The following SLMAP variants were observed in gnomAD, a reference collection of about 807,000 sequenced individuals.
The protein encoded by SLMAP is sarcolemma associated protein, also known as sarcolemmal membrane-associated protein.
Under a neutral mutation model 128.8 loss-of-function variants are expected in SLMAP, and 44 were observed. The ratio of observed to expected loss-of-function variants is 0.34; its 90% CI spans 0.27 to 0.44. The LOEUF is 0.44. Among genes scored for constraint, SLMAP ranks in the 20% least tolerant of loss-of-function variants. SLMAP has a pLI of 1.00. For synonymous variants in SLMAP, 327 were observed against 348.8 expected (o/e 0.94, Z 0.70); for missense variants, 787 against 985.3 (o/e 0.80, Z 2.69).
At position 57,857,837 on chromosome 3, in the gene SLMAP, G is replaced by C; in HGVS notation, c.615+9G>C. 6.4e-7 allele frequency: 1 copy of C among 1,561,044 alleles called. No individual in the cohort carries two copies. The highest frequency in any genetic ancestry group is 2.2e-5 in the East Asian group (1 of 44,572). ...CAGATACCAGTTGGCAGGTATTCCA[G>C]TTGTTTTATATTTAAGAAACATTTA... On this transcript the variant is annotated intron_variant, in intron 7 of 24. Transcript: ENST00000671191.
chr3:57,869,343 A>G (rs1194169629), intron 13 of SLMAP, among the ~76,000 whole-genome samples: 1 of 151,036 alleles, frequency 6.6e-6, no homozygotes, highest in Admixed American at 6.6e-5. Context: ...TTCCCAGCCT[A>G]CTGACTCAAA....
intron 13 of SLMAP, among the ~76,000 whole-genome samples, chr3:57,870,140 T>C (rs888640133): frequency 2.6e-5 from 4 of 152,138 alleles, no homozygotes; most frequent in African/African-American, 4.8e-5. Context: ...ATGTTTCAAA[T>C]ATGTTTTGTA....
At chr3:57,916,836 A>G in intron 21 of SLMAP, 70 bp from the exon 22 acceptor site, 2 of 1,270,562 alleles carry the variant, frequency 1.6e-6, no homozygotes, top group African/African-American at 1.5e-5. Context: ...TGAAATGTAT[A>G]AGAAACTGGA....
intron 14 of SLMAP, among the ~76,000 whole-genome samples, chr3:57,880,918 G>A (rs747984744): frequency 2.2e-4 from 33 of 152,042 alleles, no homozygotes; most frequent in Non-Finnish European, 3.5e-4. Context: ...AGGGCTGGGC[G>A]CAGTGGCTCA....
At chr3:57,827,983 A>G (rs950090235) in intron 2 of SLMAP, among the ~76,000 whole-genome samples, 22 of 152,186 alleles carry the variant, frequency 1.4e-4, no homozygotes, top group African/African-American at 3.1e-4. Flanking sequence ...GTCTCACTCT[A>G]TTGCCCAGGC....
At chr3:57,810,706 C>T (rs942995033) in intron 2 of SLMAP, among the ~76,000 whole-genome samples, 3 of 152,310 alleles carry the variant, frequency 2.0e-5, no homozygotes, top group East Asian at 1.9e-4. Flanking sequence ...CAGTGGTCAG[C>T]GTTTGTCCCT....
chr3:57,808,416 A>G (rs558755318), intron 2 of SLMAP, among the ~76,000 whole-genome samples: 2 of 152,254 alleles, frequency 1.3e-5, no homozygotes, highest in South Asian at 4.1e-4. Flanking sequence ...TTTCCCTCTT[A>G]ACACTGCTTT....
At chr3:57,896,217 T>G in intron 15 of SLMAP, 1 of 1,094,934 alleles carries the variant, frequency 9.1e-7, no homozygotes, top group African/African-American at 1.7e-5. Flanking sequence ...TTGAATACTT[T>G]AGCAAAGCTT....
intron 2 of SLMAP, among the ~76,000 whole-genome samples, chr3:57,784,087 G>C (rs1294412997): frequency 6.6e-6 from 1 of 152,174 alleles, no homozygotes. Context: ...TGGATAGGCG[G>C]GGGGCCCAGA....
chr3:57,802,810 A>G (rs2153497032), intron 2 of SLMAP, among the ~76,000 whole-genome samples: 1 of 152,322 alleles, frequency 6.6e-6, no homozygotes, highest in South Asian at 2.1e-4. Context: ...CAGTACTGCC[A>G]GGAACATTTG....
chr3:57,911,759 T>G (rs185028388), intron 19 of SLMAP, among the ~76,000 whole-genome samples: 1 of 151,536 alleles, frequency 6.6e-6, no homozygotes, highest in Admixed American at 6.6e-5. Flanking sequence ...TAAAGCAGAG[T>G]AAAGAGCCAG....
At chr3:57,775,547 C>G (rs1177492025) in intron 2 of SLMAP, among the ~76,000 whole-genome samples, 35 of 133,188 alleles carry the variant, frequency 2.6e-4, no homozygotes, top group African/African-American at 8.3e-4. Context: ...AAGAGCCGGG[C>G]GTGGTGGTGT....
chr3:57,810,918 G>T (rs1185441379), intron 2 of SLMAP, among the ~76,000 whole-genome samples: 1 of 152,122 alleles, frequency 6.6e-6, no homozygotes, highest in African/African-American at 2.4e-5. Flanking sequence ...TGGACCTGTT[G>T]TCTATCTGTA....
intron 17 of SLMAP, among the ~76,000 whole-genome samples, chr3:57,903,180 G>A (rs1206412031): frequency 6.6e-6 from 1 of 152,184 alleles, no homozygotes; most frequent in Non-Finnish European, 1.5e-5. Context: ...GAAGGAAGCT[G>A]GCAGTTCAGA....
intron 5 of SLMAP, among the ~76,000 whole-genome samples, chr3:57,848,496 ACTTCCTTCTTCTTTCTTCTT>A (rs1243135121): frequency 2.0e-5 from 2 of 101,114 alleles, no homozygotes; most frequent in Non-Finnish European, 4.0e-5. Flanking sequence ...CCCTCCTCCT[ACTTCCTTCTTCTTTCTTCTT>A]CTTCCTTCTT....
At chr3:57,895,680 G>C (rs552933659) in intron 15 of SLMAP, among the ~76,000 whole-genome samples, 1 of 151,880 alleles carries the variant, frequency 6.6e-6, no homozygotes, top group African/African-American at 2.4e-5. Flanking sequence ...AGTGGCTCAT[G>C]CCTGTAATTC....
At chr3:57,890,152 G>A (rs778209527) in intron 15 of SLMAP, 52 bp downstream of exon 15, 2 of 1,557,598 alleles carry the variant, frequency 1.3e-6, no homozygotes, top group South Asian at 1.1e-5. Flanking sequence ...GATAATGAAG[G>A]TTAGTGTATA....
At chr3:57,905,488 C>T (rs996533577) in intron 17 of SLMAP, among the ~76,000 whole-genome samples, 2 of 151,990 alleles carry the variant, frequency 1.3e-5, no homozygotes, top group Non-Finnish European at 1.5e-5. Flanking sequence ...ACCATGTTGC[C>T]TAGGTGGGTT....
intron 2 of SLMAP, among the ~76,000 whole-genome samples, chr3:57,802,373 G>T (rs543729714): frequency 6.6e-6 from 1 of 151,978 alleles, no homozygotes; most frequent in Non-Finnish European, 1.5e-5. Context: ...CGTCTCCTGG[G>T]TTCAAACGAT....
Sources: allele counts gnomAD v4.1 joint callset (sites outside exome capture counted in the v4.1 genomes callset), GRCh38; gene constraint gnomAD v4.1.1; transcripts MANE v1.5; gene names NCBI Gene and HGNC (gene_info 2026-07-23, HGNC 2026-07-21).